Variants in NAV1 observed in about 807,000 individuals in gnomAD.
NAV1 encodes the protein pore membrane and/or filament interacting like protein 3.
NAV1 carries 18 observed loss-of-function variants against 175.2 expected under a neutral mutation model. The ratio of observed to expected loss-of-function variants is 0.10; its 90% confidence interval spans 0.07 to 0.15. NAV1 has a LOEUF of 0.15. Ranked by LOEUF, NAV1 falls within the 10% of genes least tolerant of loss-of-function variation. NAV1 has a pLI of 1.00. For synonymous variants in NAV1, 897 were observed against 978.7 expected (o/e 0.92, Z 1.56); for missense variants, 1,731 against 2,436.6 (o/e 0.71, Z 6.10).
At chr1:201,554,336 C>T (rs765239934) in intron 1 of NAV1, among the ~76,000 whole-genome samples, 8 of 152,142 alleles carry the variant, frequency 5.3e-5, no homozygotes, top group East Asian at 1.9e-4. Context: ...ACCAGCAGGA[C>T]GGCCCTAATG....
chr1:201,739,119 C>G (rs1199871425), intron 3 of NAV1, among the ~76,000 whole-genome samples: 1 of 152,106 alleles, frequency 6.6e-6, no homozygotes, highest in African/African-American at 2.4e-5. Flanking sequence ...TTTTCCTAAC[C>G]GGTCAGTTGA....
chr1:201,556,909 C>T (rs778718375), intron 1 of NAV1, among the ~76,000 whole-genome samples: 21 of 152,146 alleles, frequency 1.4e-4, no homozygotes, highest in Non-Finnish European at 2.4e-4. Context: ...CTTAATTCTA[C>T]GGGCAAATAT....
chr1:201,794,246 G>T (rs1677292143), intron 14 of NAV1: 2 of 635,250 alleles, frequency 3.1e-6, no homozygotes, highest in Non-Finnish European at 5.8e-6. Flanking sequence ...CTGCCTCCCA[G>T]GTTCAAGCGA....
intron 2 of NAV1, among the ~76,000 whole-genome samples, chr1:201,717,399 G>A (rs923061927): frequency 6.6e-6 from 1 of 152,166 alleles, no homozygotes; most frequent in African/African-American, 2.4e-5. Flanking sequence ...ATTTGGGCTG[G>A]CCCCACTGCT....
chr1:201,610,233 T>C (rs1270234691), intron 2 of NAV1, among the ~76,000 whole-genome samples: 1 of 152,236 alleles, frequency 6.6e-6, no homozygotes, highest in African/African-American at 2.4e-5. Context: ...CACTAAATCA[T>C]TTCTCTTGGC....
chr1:201,788,697 C>T lies in NAV1; in HGVS notation c.3166+59C>T, dbSNP rs1195567188. On this transcript the variant is annotated intron_variant, in intron 10 of 29. Coordinates refer to ENST00000367296, the Ensembl canonical transcript of NAV1. This position sits in a 1 kb window ranked among gnomAD's most constrained non-coding sequence, Gnocchi z 5.7. ...TCCAGCTCTGCTGGGTCCCCTCACCCACCACCTCCACTCCCACCACTCCTA... is the reference window on the plus strand; with the variant it reads ...TCCAGCTCTGCTGGGTCCCCTCACCTACCACCTCCACTCCCACCACTCCTA... 1 of 1,487,512 alleles carries T rather than the reference C, an allele frequency of 6.7e-7. No homozygotes were observed. Among genetic ancestry groups the T allele is most frequent in the Non-Finnish European group, 9.2e-7 (1 of 1,090,266 alleles). The allele number at this position is 1,487,512 out of a possible 1,614,324, so 92.1% of individuals were successfully genotyped here. A position where few individuals can be genotyped will look rare whatever the true frequency, so the allele number is the denominator to read the frequency against.
At chr1:201,549,120 TTTCTTTCTTTCTTTCTTTCTTTC>T (rs1328767865) in intron 1 of NAV1, among the ~76,000 whole-genome samples, 7 of 150,570 alleles carry the variant, frequency 4.6e-5, no homozygotes, top group Admixed American at 2.7e-4. Context: ...TCTTTCTTTC[TTTCTTTCTTTCTTTCTTTCTTTC>T]TTCTTTCTCT....
chr1:201,651,818 A>T (rs1669217017), intron 1 of NAV1, among the ~76,000 whole-genome samples: 1 of 151,604 alleles, frequency 6.6e-6, no homozygotes, highest in South Asian at 2.1e-4. Context: ...AAGGGTGGAA[A>T]CTCCCAAATC....
At chr1:201,657,088 G>C (rs1669435147) in intron 1 of NAV1, among the ~76,000 whole-genome samples, 1 of 152,238 alleles carries the variant, frequency 6.6e-6, no homozygotes, top group Non-Finnish European at 1.5e-5. Context: ...CCTGGGACCT[G>C]ATTATCCCAA....
At chr1:201,555,434 A>G (rs1228007259) in intron 1 of NAV1, among the ~76,000 whole-genome samples, 1 of 151,734 alleles carries the variant, frequency 6.6e-6, no homozygotes, top group Non-Finnish European at 1.5e-5. Flanking sequence ...AAATCCCACA[A>G]CTCCTTGACT....
At chr1:201,772,555 C>T (rs769674842) in intron 3 of NAV1, among the ~76,000 whole-genome samples, 1 of 152,172 alleles carries the variant, frequency 6.6e-6, no homozygotes, top group Non-Finnish European at 1.5e-5. Flanking sequence ...ATGGTAAAGT[C>T]ATATTTCTGG....
Position 201,812,428 on chromosome 1 carries a change from G to GC in NAV1, c.5025-35dup. 1 of 1,605,790 alleles carries GC rather than the reference G, an allele frequency of 6.2e-7. No individual in the cohort carries two copies. The highest frequency in any genetic ancestry group is 8.5e-7 in the Non-Finnish European group (1 of 1,174,148). ...GCTGAACCCTGACAATGTCCCCATT[G>GC]CCACTCTGACCCCACTTTCCCCATC... On this transcript the variant is annotated intron_variant, in intron 26 of 29. Coordinates refer to ENST00000367296, the Ensembl canonical transcript of NAV1. The surrounding 1 kb of genome is among the most constrained non-coding windows in gnomAD (Gnocchi z 4.6).
At chr1:201,803,785 C>A in intron 16 of NAV1, 71 bp downstream of exon 20, 1 of 1,556,432 alleles carries the variant, frequency 6.4e-7, no homozygotes, top group Non-Finnish European at 8.7e-7. Flanking sequence ...GCATAGGGAT[C>A]GAATCCTTCC....
At chr1:201,693,693 G>A (rs1274719609) in intron 1 of NAV1, among the ~76,000 whole-genome samples, 4 of 152,112 alleles carry the variant, frequency 2.6e-5, no homozygotes, top group South Asian at 4.1e-4. Context: ...CCCCAGCAGG[G>A]ACGGTCTTTT....
chr1:201,629,409 A>C, exon 2 of NAV1: 1 of 1,303,468 alleles, frequency 7.7e-7, no homozygotes, highest in Non-Finnish European at 1.0e-6. Context: ...CACAGGTTGC[A>C]AACTGACCAG....
chr1:201,579,823 A>T (rs1208877213), intron 1 of NAV1, among the ~76,000 whole-genome samples: 1 of 152,224 alleles, frequency 6.6e-6, no homozygotes, highest in Non-Finnish European at 1.5e-5. Flanking sequence ...TAGATACACG[A>T]GAGGGGATTT....
In NAV1 at chr1:201,813,269, C is replaced by A. The variant is rs754225713; in HGVS notation, c.5340+11C>A. The A allele has an allele frequency of 2.6e-6, 4 of 1,546,286 alleles. No individual in the cohort carries two copies. Among genetic ancestry groups the A allele is most frequent in the East Asian group, 2.2e-5 (1 of 44,504 alleles). On this transcript the variant is annotated intron_variant, in intron 28 of 29. Transcript: ENST00000367296. This position sits in a 1 kb window ranked among gnomAD's most constrained non-coding sequence, Gnocchi z 4.2. ...AAGGATGGGATAAAGGTGAGCCCTACCCCCTTCACTCAAACCCTAAGATCA... is the reference window on the plus strand; with the variant it reads ...AAGGATGGGATAAAGGTGAGCCCTAACCCCTTCACTCAAACCCTAAGATCA...
rs149030826 is a variant in NAV1 at position 201,807,922 on chromosome 1, T to C, written c.3649-31T>C. On this transcript the variant is annotated intron_variant, in intron 17 of 29. Coordinates refer to ENST00000367296, the Ensembl canonical transcript of NAV1. The surrounding 1 kb of genome is among the most constrained non-coding windows in gnomAD (Gnocchi z 5.4). Reference sequence around the variant, plus strand: ...CCCCATCCCAGTAGTGGAGTCCTAATGTCCCTCTACCTGGATCTGCTTTTT... The same window carrying C: ...CCCCATCCCAGTAGTGGAGTCCTAACGTCCCTCTACCTGGATCTGCTTTTT... The C allele has an allele frequency of 8.5e-4, 1,362 of 1,610,856 alleles. 6 individuals carry two copies. In the African/African-American group the frequency reaches 0.014, roughly 17 times the overall value.
At chr1:201,794,553 A>G (rs544407661) in exon 15 of NAV1, 1 of 1,613,930 alleles carries the variant, frequency 6.2e-7, no homozygotes, top group East Asian at 2.2e-5. Context: ...GGGAGCCCTT[A>G]ATGCCTCAGA....
Sources: allele counts gnomAD v4.1 joint callset (sites outside exome capture counted in the v4.1 genomes callset), GRCh38; gene constraint gnomAD v4.1.1; non-coding constraint Gnocchi (gnomAD v3.1); transcripts MANE v1.5; gene names NCBI Gene and HGNC (gene_info 2026-07-23, HGNC 2026-07-21).